D2HGDH: variants seen among roughly 807,000 people sequenced by gnomAD.
The protein encoded by D2HGDH is D-2-hydroxyglutarate dehydrogenase.
A neutral mutation model predicts 46.9 loss-of-function variants in D2HGDH; 31 were observed. The ratio of observed to expected loss-of-function variants is 0.66; its 90% CI spans 0.50 to 0.89. D2HGDH has a LOEUF of 0.89. Ranked by LOEUF, D2HGDH falls within the 40% of genes least tolerant of loss-of-function variation. D2HGDH has a pLI of 0.00. For synonymous variants in D2HGDH, 364 were observed against 332.6 expected, an observed-to-expected ratio of 1.09 and a Z score of -1.03; for missense variants, 698 against 720.8, an observed-to-expected ratio of 0.97 and a Z score of 0.36.
chr2:241,740,918 C>G, intron 2 of D2HGDH, 115 bp from the exon 3 acceptor site: 1 of 819,680 alleles, frequency 1.2e-6, no homozygotes. Context: ...TCAGCCTGGG[C>G]AACAGAGTGA....
At chr2:241,754,282 C>T (rs867975727) in intron 8 of D2HGDH, among the ~76,000 whole-genome samples, 1 of 152,128 alleles carries the variant, frequency 6.6e-6, no homozygotes, top group Non-Finnish European at 1.5e-5. Flanking sequence ...ACGAAGGGAC[C>T]GTAGGAGGGG....
chr2:241,742,379 G>T lies in D2HGDH; in HGVS notation c.351-56G>T. ...ACTGGTCCTGCGGCGTGTCCTTGGG[G>T]ATGGTGGCGTAGGGGTGGGGACAGA... On this transcript the variant is annotated intron_variant, in intron 3 of 9. Transcript: ENST00000321264. The surrounding 1 kb of genome is among the most constrained non-coding windows in gnomAD (Gnocchi z 4.8). 3 of 1,548,966 alleles carry T rather than the reference G, an allele frequency of 1.9e-6. No homozygotes were observed. Among genetic ancestry groups the T allele is most frequent in the South Asian group, 2.3e-5 (2 of 85,364 alleles).
rs1334671137 is a variant in D2HGDH, at chr2:241,750,241, C to T, written c.944C>T (p.Ala315Val). The T allele has an allele frequency of 6.2e-7, 1 of 1,614,030 alleles. No homozygotes were observed. Among genetic ancestry groups the T allele is most frequent in the African/African-American group, 1.3e-5 (1 of 75,050 alleles). ...CTGTCTGCATTCGAGTTCATGGATG[C>T]TGTGTGCATGCAGCTGGTCGGGCGC... The part of the protein sequence containing the change: ...EILSAFEFMD[A>V]VCMQLVGRHL... Residue 315 changes from alanine (A) to valine (V), a missense_variant, in exon 7 of 10, where the codon GCT becomes GTT. By Grantham distance (64) the Ala-to-Val change is moderately conservative. Coordinates refer to ENST00000321264, the MANE Select transcript of D2HGDH (RefSeq NM_152783.5).
In D2HGDH at chr2:241,768,290, A is replaced by C. The variant is rs765103729; in HGVS notation, c.*321A>C. On this transcript the variant is annotated 3_prime_UTR_variant, in exon 10 of 10. Coordinates refer to ENST00000321264, the MANE Select transcript of D2HGDH (RefSeq NM_152783.5). ...CACTTGCGTGGTGGCCCCTGGCCCCATCTTGCCTGCTGCGGCCTGGGGAGC... is the reference window on the plus strand; with the variant it reads ...CACTTGCGTGGTGGCCCCTGGCCCCCTCTTGCCTGCTGCGGCCTGGGGAGC... 5.7e-6 allele frequency: 2 copies of C among 348,392 alleles called. No individual in the cohort carries two copies. The highest frequency in any genetic ancestry group is 4.3e-5 in the African/African-American group (2 of 46,824). The allele number at this position is 348,392 out of a possible 1,614,324, so 21.6% of individuals were successfully genotyped here. A position where few individuals can be genotyped will look rare whatever the true frequency, so the allele number is the denominator to read the frequency against.
At chr2:241,740,906 C>T in intron 2 of D2HGDH, 127 bp from the exon 3 acceptor site, 5 of 769,424 alleles carry the variant, frequency 6.5e-6, no homozygotes, top group Non-Finnish European at 1.1e-5. Context: ...GATCGTGGCA[C>T]TTCAGCCTGG....
chr2:241,750,358 G>A (rs1696940606), intron 7 of D2HGDH, 64 bp downstream of exon 7: 5 of 1,580,344 alleles, frequency 3.2e-6, no homozygotes, highest in Admixed American at 1.7e-5. Context: ...TGGACACATG[G>A]GACGGCTCAG....
chr2:241,741,683 G>A (rs1313235363), intron 3 of D2HGDH, among the ~76,000 whole-genome samples: 1 of 136,622 alleles, frequency 7.3e-6, no homozygotes, highest in African/African-American at 3.1e-5. Context: ...CTGTCTCCAG[G>A]GTTTATTTCA....
At position 241,767,599 on chromosome 2, in the gene D2HGDH, C is replaced by T. The variant is rs1041715027; in HGVS notation, c.1307-111C>T. ...GAGTGGCATGAGGGTGAGGCTCAGC[C>T]GGGGGTCTCGGGGTTGCTGGGGAGG... On this transcript the variant is annotated intron_variant, in intron 9 of 9. Transcript: ENST00000321264. 66 of 1,314,500 alleles carry T rather than the reference C, an allele frequency of 5.0e-5. No individual in the cohort carries two copies. In the African/African-American group the frequency reaches 1.3e-3, roughly 26 times the overall value. The allele number at this position is 1,314,500 out of a possible 1,614,324, so 81.4% of individuals were successfully genotyped here. A position where few individuals can be genotyped will look rare whatever the true frequency, so the allele number is the denominator to read the frequency against.
chr2:241,751,493 G>A, intron 8 of D2HGDH, 105 bp downstream of exon 8: 2 of 1,524,628 alleles, frequency 1.3e-6, no homozygotes, highest in Non-Finnish European at 1.8e-6. Context: ...AGTGTGGGAT[G>A]TGGCTGAAAT....
Position 241,743,631 on chromosome 2 carries a change from T to C in D2HGDH, c.500T>C (p.Val167Ala). The change falls in exon 5 of 10, where the codon GTT becomes GCT. Residue 167 changes from valine (V) to alanine (A), a missense_variant. By Grantham distance (64) the Val-to-Ala change is moderately conservative (BLOSUM62 0). Transcript: ENST00000321264. This position sits in a 1 kb window ranked among gnomAD's most constrained non-coding sequence, Gnocchi z 4.8. ...LSFHSVSGIL[V>A]CQAGCVLEEL... The stretch of plus-strand genomic sequence containing the variant: ...TGGTCACTCTCTGCAGGAATTCTGG[T>C]TTGCCAGGCGGGCTGCGTCCTGGAG... 1 of 1,613,308 alleles carries C rather than the reference T, an allele frequency of 6.2e-7. No homozygotes were observed. Among genetic ancestry groups the C allele is most frequent in the East Asian group, 2.2e-5 (1 of 44,868 alleles).
At chr2:241,759,735 C>T (rs1241714279) in intron 9 of D2HGDH, among the ~76,000 whole-genome samples, 1 of 152,114 alleles carries the variant, frequency 6.6e-6, no homozygotes, top group Non-Finnish European at 1.5e-5. Context: ...GGTTTATGTT[C>T]TTTGTCATTT....
intron 9 of D2HGDH, among the ~76,000 whole-genome samples, chr2:241,760,824 C>CTGGA (rs1681860355): frequency 6.6e-6 from 1 of 152,288 alleles, no homozygotes; most frequent in South Asian, 2.1e-4. Context: ...GCCTGCTGAC[C>CTGGA]TGGACTTCAG....
At position 241,742,949 on chromosome 2, in the gene D2HGDH, G is replaced by A. The variant is rs1694893880; in HGVS notation, c.490+375G>A. Among the ~76,000 whole-genome samples, 1 of 118,012 alleles carries A rather than the reference G, an allele frequency of 8.5e-6. No individual in the cohort carries two copies. Among genetic ancestry groups the A allele is most frequent in the South Asian group, 2.9e-4 (1 of 3,436 alleles). The allele number at this position is 118,012 out of a possible 152,430, so 77.4% of individuals were successfully genotyped here. On this transcript the variant is annotated intron_variant, in intron 4 of 9. Coordinates refer to ENST00000321264, the MANE Select transcript of D2HGDH (RefSeq NM_152783.5). The surrounding 1 kb of genome is among the most constrained non-coding windows in gnomAD (Gnocchi z 4.8). ...GGATCCTGACCCAGGGCGCCAGGGC[G>A]TGGCAGGCGTGAGGGGATCCTGACC...
At chr2:241,736,670 CGT>C (rs1692936390) in intron 2 of D2HGDH, among the ~76,000 whole-genome samples, 4 of 147,398 alleles carry the variant, frequency 2.7e-5, no homozygotes, top group Non-Finnish European at 1.5e-5. Flanking sequence ...ACCGTTTATC[CGT>C]TTTTTTTTTT....
chr2:241,749,917 G>A, intron 6 of D2HGDH: 1 of 600,866 alleles, frequency 1.7e-6, no homozygotes, highest in Non-Finnish European at 3.0e-6. Context: ...TCTGATGCTG[G>A]TGGTGACACT....
chr2:241,759,937 A>G (rs1698589619), intron 9 of D2HGDH, among the ~76,000 whole-genome samples: 1 of 152,250 alleles, frequency 6.6e-6, no homozygotes, highest in Admixed American at 6.5e-5. Context: ...TGTTTCTGTG[A>G]AGATATTTTT....
chr2:241,740,455 G>A lies in D2HGDH; in HGVS notation c.293-578G>A, dbSNP rs555395588. ...CCTGGCCTGTGGGACTCTCATCCAT[G>A]GGCCCAGCCTTACCCACTTCTGCAC... is the stretch of plus-strand genomic sequence containing the variant. On this transcript the variant is annotated intron_variant, in intron 2 of 9. Coordinates refer to ENST00000321264, the MANE Select transcript of D2HGDH (RefSeq NM_152783.5). 2.0e-5 allele frequency among the ~76,000 whole-genome samples: 3 copies of A among 152,312 alleles called. No homozygotes were observed. In the South Asian group the frequency reaches 6.2e-4, roughly 32 times the overall value.
intron 9 of D2HGDH, among the ~76,000 whole-genome samples, chr2:241,761,618 T>C (rs1698828511): frequency 6.6e-6 from 1 of 152,196 alleles, no homozygotes; most frequent in Non-Finnish European, 1.5e-5. Context: ...CTCGAGCATC[T>C]CAGGATTTTG....
intron 9 of D2HGDH, among the ~76,000 whole-genome samples, chr2:241,762,739 G>T (rs1403788610): frequency 6.6e-6 from 1 of 152,182 alleles, no homozygotes; most frequent in Non-Finnish European, 1.5e-5. Context: ...GTCTGCTAAG[G>T]TCCACAGGCC....
Sources: allele counts gnomAD v4.1 joint callset (sites outside exome capture counted in the v4.1 genomes callset), GRCh38; gene constraint gnomAD v4.1.1; non-coding constraint Gnocchi (gnomAD v3.1); transcripts MANE v1.5; gene names NCBI Gene and HGNC (gene_info 2026-07-23, HGNC 2026-07-21).